Variants in AKAP6 observed in about 807,000 individuals in gnomAD.
AKAP6 encodes the protein A-kinase anchor protein 6.
A neutral mutation model predicts 188.5 loss-of-function variants in AKAP6; 58 were observed. The observed-to-expected ratio is 0.31, with a 90% CI of 0.25 to 0.38. The LOEUF (loss-of-function observed/expected upper bound fraction) is 0.38. AKAP6 is among the 10% of genes least tolerant of loss of function. The pLI is 1.00. For synonymous variants in AKAP6, 989 were observed against 998.6 expected (o/e 0.99, Z 0.18); for missense variants, 2,710 against 2,740.0 (o/e 0.99, Z 0.24).
chr14:32,365,764 T>A (rs1269853122), intron 1 of AKAP6, among the ~76,000 whole-genome samples: 2 of 152,080 alleles, frequency 1.3e-5, no homozygotes, highest in Non-Finnish European at 2.9e-5. Context: ...TCCCCACTTC[T>A]CCTGGAGGAA....
chr14:32,577,319 T>C, intron 5 of AKAP6, 77 bp downstream of exon 5: 1 of 1,547,280 alleles, frequency 6.5e-7, no homozygotes, highest in Non-Finnish European at 8.7e-7. Context: ...ATGAGAAATA[T>C]CAATTTTATT....
chr14:32,678,184 T>C, intron 7 of AKAP6, 127 bp from the exon 8 acceptor site: 2 of 979,006 alleles, frequency 2.0e-6, no homozygotes, highest in Non-Finnish European at 1.4e-6. Flanking sequence ...ACTGATCCCA[T>C]TAAATCCAAC....
chr14:32,683,283 C>T (rs997049855), intron 8 of AKAP6, among the ~76,000 whole-genome samples: 8 of 152,026 alleles, frequency 5.3e-5, no homozygotes, highest in South Asian at 2.1e-4. Context: ...AGTGAGCCAC[C>T]GCACCCAGCC....
rs1251677640 is a variant in AKAP6, at chr14:32,535,793, A to C, written c.564A>C (p.Glu188Asp). 1 of 1,611,572 alleles carries C rather than the reference A, an allele frequency of 6.2e-7. No individual in the cohort carries two copies. Among genetic ancestry groups the C allele is most frequent in the Admixed American group, 1.7e-5 (1 of 59,882 alleles). The change falls in exon 3 of 14, where the codon GAA (glutamate) becomes GAC (aspartate). Residue 188 changes from glutamate (E) to aspartate (D), a missense_variant. Physicochemically the swap from Glu to Asp is conservative, Grantham distance 45. Around this residue, in one of 2 missense-constraint regions of AKAP6, gnomAD observed 237 missense variants for 313.9 expected, o/e 0.76. Transcript: ENST00000280979. ...RQTDILQAFSEETKEGRLDSL... is the reference protein window; with the variant it reads ...RQTDILQAFSDETKEGRLDSL... ...CGGACATTCTGCAAGCTTTCTCTGA[A>C]GAGACAAAAGAGGTGAGTGTTTTCC...
chr14:32,673,354 T>C (rs535003708), intron 7 of AKAP6, among the ~76,000 whole-genome samples: 1 of 152,348 alleles, frequency 6.6e-6, no homozygotes, highest in Admixed American at 6.5e-5. Flanking sequence ...TCAGGAGAAG[T>C]AACTAAGTTT....
chr14:32,678,431 T>G lies in AKAP6; in HGVS notation c.2851T>G (p.Ser951Ala). The change falls in exon 8 of 14, where the codon TCA becomes GCA. Residue 951 changes from serine to alanine, a missense_variant. By Grantham distance (99) the Ser-to-Ala change is moderately conservative. Transcript: ENST00000280979. ...GCGAAAGGAAGAGTTTGCTGATATG[T>G]CAAAAGTTCATTCAGTGGGAAGCAA... ...SKRKEEFADM[S>A]KVHSVGSNGL... The G allele has an allele frequency of 6.2e-7, 1 of 1,613,966 alleles. No homozygotes were observed. Among genetic ancestry groups the G allele is most frequent in the South Asian group, 1.1e-5 (1 of 91,072 alleles).
chr14:32,737,249 C>T (rs1294935468), intron 11 of AKAP6, among the ~76,000 whole-genome samples: 1 of 151,992 alleles, frequency 6.6e-6, no homozygotes, highest in Non-Finnish European at 1.5e-5. Context: ...CATAATGGCA[C>T]CTTTTTATTG....
intron 12 of AKAP6, among the ~76,000 whole-genome samples, chr14:32,813,394 C>CCT (rs1555365142): frequency 8.5e-6 from 1 of 118,086 alleles, no homozygotes; most frequent in Non-Finnish European, 1.8e-5. Context: ...ACCCTACCCC[C>CCT]CCCCCCAACC....
In AKAP6 at chr14:32,823,605, A is replaced by G; in HGVS notation, c.5792A>G (p.Glu1931Gly). The G allele has an allele frequency of 6.2e-7, 1 of 1,613,902 alleles. No homozygotes were observed. The highest frequency in any genetic ancestry group is 1.1e-5 in the South Asian group (1 of 91,080). ...CATGGGAAAGAGATTTCAGAGAGTG[A>G]GCATTGTAAGTGTAAAGCACTTATG... ...GSHGKEISES[E>G]HCKCKALMDS... Residue 1931 changes from glutamate (E) to glycine (G), a missense_variant, in exon 13 of 14, where the codon GAG becomes GGG. Physicochemically the swap from Glu to Gly is moderately conservative, Grantham distance 98. Transcript: ENST00000280979.
intron 8 of AKAP6, among the ~76,000 whole-genome samples, chr14:32,692,865 AC>A (rs1890239486): frequency 6.6e-6 from 1 of 152,124 alleles, no homozygotes; most frequent in Non-Finnish European, 1.5e-5. Context: ...TTTATGAGGC[AC>A]CCTACACTCA....
intron 7 of AKAP6, among the ~76,000 whole-genome samples, chr14:32,628,681 C>T (rs1044445441): frequency 1.1e-4 from 17 of 150,986 alleles, no homozygotes; most frequent in Non-Finnish European, 1.5e-5. Flanking sequence ...TATCTCCTTT[C>T]CTCCCTTTTT....
At chr14:32,612,867 A>C (rs1886411513) in intron 7 of AKAP6, among the ~76,000 whole-genome samples, 1 of 152,192 alleles carries the variant, frequency 6.6e-6, no homozygotes, top group African/African-American at 2.4e-5. Flanking sequence ...TTTGCTCCAA[A>C]GCTCTCTAAC....
intron 2 of AKAP6, among the ~76,000 whole-genome samples, chr14:32,497,445 G>A (rs562243888): frequency 3.3e-5 from 5 of 152,136 alleles, no homozygotes; most frequent in African/African-American, 7.2e-5. Context: ...CTATAATTCA[G>A]TTGTGGTCAG....
chr14:32,529,757 T>A (rs1329929660), intron 2 of AKAP6, among the ~76,000 whole-genome samples: 1 of 152,190 alleles, frequency 6.6e-6, no homozygotes, highest in African/African-American at 2.4e-5. Flanking sequence ...GATAGTCAAC[T>A]GAAGATTATA....
rs147012611 is a variant in AKAP6 at position 32,516,224 on chromosome 14, G to C, written c.325-19330G>C. On this transcript the variant is annotated intron_variant, in intron 2 of 13. Transcript: ENST00000280979. Reference sequence around the variant, plus strand: ...TTTGCTGAGGCAGAAAGCCTCTCAGGGTATGCCTTCTAAAACCAAAGGGCT... The same window carrying C: ...TTTGCTGAGGCAGAAAGCCTCTCAGCGTATGCCTTCTAAAACCAAAGGGCT... Among the ~76,000 whole-genome samples, 904 of 152,324 alleles carry C rather than the reference G, an allele frequency of 5.9e-3. 6 individuals carry two copies. Among genetic ancestry groups the C allele is most frequent in the Non-Finnish European group, 9.9e-3 (674 of 68,030 alleles).
At chr14:32,794,722 C>T (rs2033712424) in intron 12 of AKAP6, among the ~76,000 whole-genome samples, 1 of 152,150 alleles carries the variant, frequency 6.6e-6, no homozygotes, top group South Asian at 2.1e-4. Flanking sequence ...AACCTAGCAT[C>T]TCAACTAGAA....
At chr14:32,689,261 C>A (rs1890064063) in intron 8 of AKAP6, among the ~76,000 whole-genome samples, 1 of 152,112 alleles carries the variant, frequency 6.6e-6, no homozygotes, top group Non-Finnish European at 1.5e-5. Flanking sequence ...CAGAAATCTA[C>A]ACTGATGTTT....
At chr14:32,416,436 C>G (rs544821313) in intron 1 of AKAP6, among the ~76,000 whole-genome samples, 1 of 152,126 alleles carries the variant, frequency 6.6e-6, no homozygotes, top group African/African-American at 2.4e-5. Context: ...TGATATTCAT[C>G]CCTTATCAGA....
intron 2 of AKAP6, among the ~76,000 whole-genome samples, chr14:32,508,718 AAC>A (rs1295165896): frequency 6.6e-6 from 1 of 152,246 alleles, no homozygotes; most frequent in Non-Finnish European, 1.5e-5. Flanking sequence ...GAGTTAGAAA[AAC>A]ACAAATATAG....
Sources: gnomAD v4.1 joint callset for allele counts (sites outside exome capture counted in the v4.1 genomes callset) on GRCh38, gnomAD v4.1.1 for gene constraint, gnomAD v4.1.1 regional missense constraint, MANE v1.5 for transcripts, NCBI Gene and HGNC (gene_info 2026-07-23, HGNC 2026-07-21) for gene names.